Variants in SLC38A10 observed in about 807,000 individuals in gnomAD.
SLC38A10 encodes the protein Sodium-coupled neutral amino acid transporter 10.
SLC38A10 carries 53 observed loss-of-function variants against 81.0 expected under a neutral mutation model. The observed-to-expected ratio is 0.65, with a 90% CI of 0.53 to 0.82. The LOEUF (loss-of-function observed/expected upper bound fraction) is 0.82. Among genes scored for constraint, SLC38A10 ranks in the 40% least tolerant of loss-of-function variants. SLC38A10 has a pLI of 0.00. For synonymous variants in SLC38A10, 665 were observed against 655.3 expected, an observed-to-expected ratio of 1.01 and a Z score of -0.23; for missense variants, 1,471 against 1,545.0, an observed-to-expected ratio of 0.95 and a Z score of 0.80.
rs1438686380 is a variant in SLC38A10 at position 81,253,965 on chromosome 17, C to G, written c.1289-725G>C. 6.6e-6 allele frequency among the ~76,000 whole-genome samples: 1 copy of G among 151,760 alleles called. No homozygotes were observed. The highest frequency in any genetic ancestry group is 6.6e-5 in the Admixed American group (1 of 15,248). On this transcript the variant is annotated intron_variant, in intron 11 of 15. Coordinates refer to ENST00000374759, the MANE Select transcript of SLC38A10 (RefSeq NM_001037984.3). This position sits in a 1 kb window ranked among gnomAD's most constrained non-coding sequence, Gnocchi z 4.1. ...CCATTATCGTCATCACCACCACCAT[C>G]TCCATCCCCACCACCATCGCTGCAT...
chr17:81,269,924 A>C (rs1379980269), intron 10 of SLC38A10, among the ~76,000 whole-genome samples: 1 of 152,320 alleles, frequency 6.6e-6, no homozygotes, highest in South Asian at 2.1e-4. Context: ...AGACTGCGCC[A>C]CTGCACCCCA....
At chr17:81,251,232 A>C in intron 14 of SLC38A10, 1 of 1,451,092 alleles carries the variant, frequency 6.9e-7, no homozygotes, top group Non-Finnish European at 9.3e-7. Context: ...GGAGCAAGGG[A>C]GATAAAACGG....
At chr17:81,293,738 C>T (rs1453474499) in intron 1 of SLC38A10, among the ~76,000 whole-genome samples, 1 of 152,170 alleles carries the variant, frequency 6.6e-6, no homozygotes, top group African/African-American at 2.4e-5. Context: ...ATGAAAAACA[C>T]AGTGTTTGCT....
In SLC38A10 at chr17:81,277,455, C is replaced by T. The variant is rs565574011; in HGVS notation, c.627-322G>A. ...GCAGCCAGTTTACAGGGCAAGCAGCCGGAGGAGGCTGCTCAGAGAATCGCT... is the reference window on the plus strand; with the variant it reads ...GCAGCCAGTTTACAGGGCAAGCAGCTGGAGGAGGCTGCTCAGAGAATCGCT... On this transcript the variant is annotated intron_variant, in intron 6 of 15. Coordinates refer to ENST00000374759, the MANE Select transcript of SLC38A10 (RefSeq NM_001037984.3). The surrounding 1 kb of genome is among the most constrained non-coding windows in gnomAD (Gnocchi z 4.5). Among the ~76,000 whole-genome samples, 32 of 152,214 alleles carry T rather than the reference C, an allele frequency of 2.1e-4. No homozygotes were observed. Among genetic ancestry groups the T allele is most frequent in the Admixed American group, 9.2e-4 (14 of 15,280 alleles).
intron 11 of SLC38A10, among the ~76,000 whole-genome samples, chr17:81,258,077 G>T (rs1352503574): frequency 6.6e-6 from 1 of 152,232 alleles, no homozygotes; most frequent in Admixed American, 6.5e-5. Context: ...CCGTGCATGG[G>T]GCCCCGGCTG....
intron 2 of SLC38A10, among the ~76,000 whole-genome samples, chr17:81,287,947 G>A (rs951965231): frequency 6.6e-6 from 1 of 152,240 alleles, no homozygotes; most frequent in African/African-American, 2.4e-5. Context: ...GCAGACCCAG[G>A]AAGGGGCCCG....
chr17:81,285,041 G>C (rs2063251033), intron 2 of SLC38A10, 146 bp from the exon 3 acceptor site: 2 of 568,242 alleles, frequency 3.5e-6, no homozygotes, highest in Non-Finnish European at 5.9e-6. Flanking sequence ...TCAAATTCTG[G>C]CTGCCAGGTT....
At chr17:81,266,787 C>T (rs534798627) in intron 10 of SLC38A10, among the ~76,000 whole-genome samples, 16 of 152,280 alleles carry the variant, frequency 1.1e-4, no homozygotes, top group East Asian at 3.9e-4. Context: ...CAGGAGAGTT[C>T]GCAAGGACAT....
chr17:81,259,236 G>C (rs1446790583), intron 11 of SLC38A10, among the ~76,000 whole-genome samples: 1 of 152,142 alleles, frequency 6.6e-6, no homozygotes. Context: ...TCACTGGCCA[G>C]CACCTCCATA....
intron 9 of SLC38A10, among the ~76,000 whole-genome samples, chr17:81,271,883 C>T (rs545611091): frequency 4.6e-5 from 7 of 151,934 alleles, no homozygotes; most frequent in South Asian, 2.1e-4. Context: ...CCCGCCACCA[C>T]GCCCGGCTAA....
intron 11 of SLC38A10, among the ~76,000 whole-genome samples, chr17:81,259,978 C>A (rs932443811): frequency 2.9e-4 from 44 of 152,242 alleles, no homozygotes; most frequent in Non-Finnish European, 5.4e-4. Flanking sequence ...GGCATCCAGG[C>A]CAGCGGCCAC....
intron 14 of SLC38A10, 182 bp from the exon 15 acceptor site, chr17:81,247,243 C>T (rs751508271): frequency 2.3e-5 from 14 of 598,756 alleles, no homozygotes; most frequent in Middle Eastern, 9.5e-4. Flanking sequence ...CAGTGATGCA[C>T]GCAGGCCTGA....
In SLC38A10 at chr17:81,276,333, CCTT is replaced by C. The variant is rs2063162107; in HGVS notation, c.730-185_730-183del. ...GGGGCAAGGCACCATTTCGCCTCCT[CCTT>C]CTAAAAATCTCTAGTTTCTGTAAGA... On this transcript the variant is annotated intron_variant, in intron 7 of 15. Transcript: ENST00000374759. The surrounding 1 kb of genome is among the most constrained non-coding windows in gnomAD (Gnocchi z 4.7). Among the ~76,000 whole-genome samples, 1 of 152,148 alleles carries C rather than the reference CCTT, an allele frequency of 6.6e-6. No individual in the cohort carries two copies. Among genetic ancestry groups the C allele is most frequent in the Non-Finnish European group, 1.5e-5 (1 of 68,022 alleles).
At position 81,245,764 on chromosome 17, in the gene SLC38A10, C is replaced by A; in HGVS notation, c.3152G>T (p.Arg1051Met). The A allele has an allele frequency of 6.3e-7, 1 of 1,596,658 alleles. No homozygotes were observed. Residue 1051 changes from arginine (R) to methionine (M), a missense_variant, in exon 16 of 16, where the codon AGG becomes ATG. Around this residue, in one of 2 missense-constraint regions of SLC38A10, gnomAD observed 751 missense variants for 717.4 expected, o/e 1.05. Transcript: ENST00000374759. ...ATGAGGGCCAAGGTCCCGCCGTCGC[C>A]TCCGGAGGTCGGAGCCAGCCTGCAG... ...LKLQAGSDLRRRRRDLGPHAE... is the reference protein window; with the variant it reads ...LKLQAGSDLRMRRRDLGPHAE...
chr17:81,267,888 A>T (rs1463927371), intron 10 of SLC38A10, among the ~76,000 whole-genome samples: 2 of 151,744 alleles, frequency 1.3e-5, no homozygotes, highest in Non-Finnish European at 2.9e-5. Context: ...GACTAAGCAG[A>T]CAAGACAAGA....
chr17:81,257,550 C>T (rs972998771), intron 11 of SLC38A10, among the ~76,000 whole-genome samples: 10 of 152,224 alleles, frequency 6.6e-5, no homozygotes, highest in Non-Finnish European at 1.3e-4. Context: ...GGCCGAATTC[C>T]GAAGGGCCCT....
chr17:81,274,349 C>T (rs1478036581), intron 8 of SLC38A10, among the ~76,000 whole-genome samples: 1 of 152,250 alleles, frequency 6.6e-6, no homozygotes, highest in Non-Finnish European at 1.5e-5. Context: ...GACCGCACAC[C>T]TGGCCACATG....
Position 81,270,902 on chromosome 17 carries a change from C to A in SLC38A10, c.1131+16G>T. On this transcript the variant is annotated intron_variant, in intron 10 of 15. Transcript: ENST00000374759. This position sits in a 1 kb window ranked among gnomAD's most constrained non-coding sequence, Gnocchi z 4.0. ...CCATCAGCCCTCGTCCAGGCCACCCCACGAGCAGCACGCACCTGGGAGGAA... is the reference window on the plus strand; with the variant it reads ...CCATCAGCCCTCGTCCAGGCCACCCAACGAGCAGCACGCACCTGGGAGGAA... The A allele has an allele frequency of 1.2e-6, 2 of 1,612,364 alleles. No homozygotes were observed. Among genetic ancestry groups the A allele is most frequent in the South Asian group, 1.1e-5 (1 of 91,034 alleles).
intron 14 of SLC38A10, among the ~76,000 whole-genome samples, chr17:81,248,648 G>A (rs934083354): frequency 2.6e-5 from 4 of 152,262 alleles, no homozygotes; most frequent in African/African-American, 9.6e-5. Context: ...TTTTGTGAGT[G>A]GTGAGAGCAA....
Sources: allele counts gnomAD v4.1 joint callset (sites outside exome capture counted in the v4.1 genomes callset), GRCh38; gene constraint gnomAD v4.1.1; regional missense constraint gnomAD v4.1.1; non-coding constraint Gnocchi (gnomAD v3.1); transcripts MANE v1.5; gene names NCBI Gene and HGNC (gene_info 2026-07-23, HGNC 2026-07-21).